PDZD2: variants seen among roughly 807,000 people sequenced by gnomAD.
PDZD2 encodes PDZ domain-containing protein 2.
Under a neutral mutation model 220.7 loss-of-function variants are expected in PDZD2, and 90 were observed. That is an observed-to-expected ratio of 0.41 (90% CI 0.34 to 0.49). PDZD2 has a LOEUF of 0.49. Among genes scored for constraint, PDZD2 ranks in the 20% least tolerant of loss-of-function variants. The probability of loss-of-function intolerance (pLI) is 0.28; values close to 1 mark genes in which losing one functional copy is unlikely to be tolerated. For missense variants in PDZD2, 3,174 were observed against 3,608.5 expected (o/e 0.88, Z 3.08); for synonymous variants, 1,375 against 1,450.5 (o/e 0.95, Z 1.18).
chr5:31,718,915 T>C (rs1379920072), intron 1 of PDZD2, among the ~76,000 whole-genome samples: 1 of 152,110 alleles, frequency 6.6e-6, no homozygotes, highest in Non-Finnish European at 1.5e-5. Context: ...TTAGCCAGGA[T>C]GGTCTCCATC....
chr5:32,007,385 T>TAAAAAAAAAAAAAAAAAAAAAAAAAAAAA (rs572413432), intron 5 of PDZD2, among the ~76,000 whole-genome samples: 1 of 136,438 alleles, frequency 7.3e-6, no homozygotes, highest in African/African-American at 2.7e-5. Flanking sequence ...AGTTGGGATT[T>TAAAAAAAAAAAAAAAAAAAAAAAAAAAAA]AAAAAAAAAA....
At chr5:31,944,868 C>T (rs1487184106) in intron 2 of PDZD2, among the ~76,000 whole-genome samples, 2 of 152,200 alleles carry the variant, frequency 1.3e-5, no homozygotes, top group Non-Finnish European at 2.9e-5. Context: ...CTGAGCCGTG[C>T]GCAGCAGCTG....
intron 1 of PDZD2, among the ~76,000 whole-genome samples, chr5:31,764,798 C>T (rs552384023): frequency 8.5e-5 from 13 of 152,128 alleles, no homozygotes; most frequent in African/African-American, 1.4e-4. Context: ...CCAAAGGGGC[C>T]GGGCACAGTG....
At chr5:31,752,074 T>TTTTG (rs1491114329) in intron 1 of PDZD2, among the ~76,000 whole-genome samples, 1 of 87,752 alleles carries the variant, frequency 1.1e-5, no homozygotes, top group African/African-American at 7.2e-5. Flanking sequence ...TTTGGGTTTG[T>TTTTG]TTTTTTTTTT....
At chr5:31,752,088 T>TTTTTTTTTTTTTTTTTTTTTG (rs1561431820) in intron 1 of PDZD2, among the ~76,000 whole-genome samples, 1 of 141,022 alleles carries the variant, frequency 7.1e-6, no homozygotes, top group Non-Finnish European at 1.5e-5. Context: ...TTTTTTTTTT[T>TTTTTTTTTTTTTTTTTTTTTG]TTCTGAGACA....
chr5:32,042,529 C>T (rs990085244), intron 7 of PDZD2, among the ~76,000 whole-genome samples: 7 of 152,004 alleles, frequency 4.6e-5, no homozygotes, highest in African/African-American at 1.2e-4. Context: ...ACCAAGATTG[C>T]GCCACTGCTT....
intron 5 of PDZD2, among the ~76,000 whole-genome samples, chr5:32,003,325 ACAC>A (rs1752480038): frequency 1.8e-5 from 1 of 56,504 alleles, no homozygotes; most frequent in Admixed American, 1.7e-4. Context: ...CCCCACACAC[ACAC>A]CCCCACCACA....
chr5:32,098,763 G>C lies in PDZD2; in HGVS notation c.8218+129G>C, dbSNP rs1227015142. On this transcript the variant is annotated intron_variant, in intron 23 of 24. Coordinates refer to ENST00000438447, the MANE Select transcript of PDZD2 (RefSeq NM_178140.4). This position sits in a 1 kb window ranked among gnomAD's most constrained non-coding sequence, Gnocchi z 4.1. ...GAAAAATTAAATGTAGCGAAGTCTA[G>C]TGTGTTTGGATGCTGCTTACAAAAG... 3.5e-6 allele frequency: 3 copies of C among 857,928 alleles called. No homozygotes were observed. In the East Asian group the frequency reaches 8.0e-5, roughly 23 times the overall value. The allele number at this position is 857,928 out of a possible 1,614,324, so 53.1% of individuals were successfully genotyped here. A position where few individuals can be genotyped will look rare whatever the true frequency, so the allele number is the denominator to read the frequency against.
chr5:32,006,956 C>T (rs1414659987), intron 5 of PDZD2, among the ~76,000 whole-genome samples: 1 of 120,270 alleles, frequency 8.3e-6, no homozygotes, highest in African/African-American at 2.9e-5. Context: ...CGCTCTGTCT[C>T]CCAGGCTGGA....
chr5:32,041,135 GA>G lies in PDZD2; in HGVS notation c.1519+3795del, dbSNP rs1337009662. ...GCCTCTGCCCGGCCGCCCCGTCTGG[GA>G]AGTGGGGAGCGCCTCTGCCCGGCCG... On this transcript the variant is annotated intron_variant, in intron 7 of 24. Coordinates refer to ENST00000438447, the MANE Select transcript of PDZD2 (RefSeq NM_178140.4). Among the ~76,000 whole-genome samples, 98 of 147,482 alleles carry G rather than the reference GA, an allele frequency of 6.6e-4. 2 individuals are homozygous for G. Among genetic ancestry groups the G allele is most frequent in the South Asian group, 2.0e-3 (9 of 4,570 alleles).
chr5:32,046,447 T>G (rs1296533173), intron 7 of PDZD2, among the ~76,000 whole-genome samples: 2 of 152,160 alleles, frequency 1.3e-5, no homozygotes, highest in Non-Finnish European at 2.9e-5. Context: ...TTCACCATGT[T>G]GCCCAGTGCA....
At chr5:31,765,023 G>A (rs1751907810) in intron 1 of PDZD2, among the ~76,000 whole-genome samples, 1 of 152,048 alleles carries the variant, frequency 6.6e-6, no homozygotes, top group South Asian at 2.1e-4. Flanking sequence ...TTTGCAGTGA[G>A]CCGAGATCAC....
chr5:32,009,865 G>A lies in PDZD2; in HGVS notation c.1255-465G>A, dbSNP rs1753144754. 2.6e-5 allele frequency among the ~76,000 whole-genome samples: 4 copies of A among 152,284 alleles called. No individual in the cohort carries two copies. In the South Asian group the frequency reaches 8.3e-4, roughly 32 times the overall value. ...CCAGCATTTTGGGAGGCTGAGGCAG[G>A]TAGATCACTTGAGGTCAGCAGTTCG... On this transcript the variant is annotated intron_variant, in intron 5 of 24. Transcript: ENST00000438447.
At position 32,006,681 on chromosome 5, in the gene PDZD2, C is replaced by CTTT. The variant is rs76703572; in HGVS notation, c.1255-3628_1255-3626dup. On this transcript the variant is annotated intron_variant, in intron 5 of 24. Coordinates refer to ENST00000438447, the MANE Select transcript of PDZD2 (RefSeq NM_178140.4). ...CATGAACCACTGCCAGGCTCAACAC[C>CTTT]TTTTTTTTTTTTTTTTTTTTTTTCC... 3.8e-4 allele frequency among the ~76,000 whole-genome samples: 44 copies of CTTT among 116,620 alleles called. 1 individual carries two copies. Among genetic ancestry groups the CTTT allele is most frequent in the African/African-American group, 1.5e-3 (36 of 23,412 alleles). The allele number at this position is 116,620 out of a possible 152,430, so 76.5% of individuals were successfully genotyped here. A position where few individuals can be genotyped will look rare whatever the true frequency, so the allele number is the denominator to read the frequency against.
At chr5:32,032,176 G>C (rs891079462) in intron 6 of PDZD2, among the ~76,000 whole-genome samples, 2 of 152,168 alleles carry the variant, frequency 1.3e-5, no homozygotes, top group African/African-American at 4.8e-5. Context: ...CTGGGAAGTC[G>C]CAGCTTAGTT....
At position 32,089,482 on chromosome 5, in the gene PDZD2, G is replaced by A. The variant is rs1297885754; in HGVS notation, c.6034G>A (p.Gly2012Ser). The A allele has an allele frequency of 6.2e-7, 1 of 1,613,432 alleles. No homozygotes were observed. The highest frequency in any genetic ancestry group is 1.3e-5 in the African/African-American group (1 of 74,926). Residue 2012 changes from glycine to serine, a missense_variant, in exon 20 of 25, where the codon GGT becomes AGT. This residue lies in a region of PDZD2 where 1,861 missense variants were observed against 2,001.0 expected (regional missense o/e 0.93). Coordinates refer to ENST00000438447, the MANE Select transcript of PDZD2 (RefSeq NM_178140.4). ...GGCTGTCCTCTCTGAACCCGACAGAGGTTGCCCAACCACCCCTAAATCTCC... is the reference window on the plus strand; with the variant it reads ...GGCTGTCCTCTCTGAACCCGACAGAAGTTGCCCAACCACCCCTAAATCTCC... ...HMAVLSEPDRGCPTTPKSPKC... is the reference protein window; with the variant it reads ...HMAVLSEPDRSCPTTPKSPKC...
At chr5:31,960,461 G>A (rs1748116431) in intron 2 of PDZD2, among the ~76,000 whole-genome samples, 3 of 152,090 alleles carry the variant, frequency 2.0e-5, no homozygotes, top group Admixed American at 2.0e-4. Context: ...CTGCCGCCTC[G>A]GCCTTCCAAA....
intron 1 of PDZD2, among the ~76,000 whole-genome samples, chr5:31,647,435 C>A (rs562428443): frequency 1.3e-5 from 2 of 152,128 alleles, no homozygotes; most frequent in Non-Finnish European, 2.9e-5. Flanking sequence ...TTCACAGGTC[C>A]GAAGTCTGAA....
chr5:32,108,311 T>TTAAC lies in PDZD2; in HGVS notation c.*178_*181dup, dbSNP rs1263813043. Reference sequence around the variant, plus strand: ...AACTGTATGTGCAACAGCAATGAAATTAACTCCAGAAGCCTTCCACCTGCG... The same window carrying TTAAC: ...AACTGTATGTGCAACAGCAATGAAATTAACTAACTCCAGAAGCCTTCCACCTGCG... On this transcript the variant is annotated 3_prime_UTR_variant, in exon 25 of 25. Transcript: ENST00000438447. The TTAAC allele has an allele frequency of 3.9e-4, 178 of 459,464 alleles. No individual in the cohort carries two copies. Among genetic ancestry groups the TTAAC allele is most frequent in the African/African-American group, 2.8e-3 (140 of 50,182 alleles). The allele number at this position is 459,464 out of a possible 1,614,324, so 28.5% of individuals were successfully genotyped here.
Sources: allele counts gnomAD v4.1 joint callset (sites outside exome capture counted in the v4.1 genomes callset), GRCh38; gene constraint gnomAD v4.1.1; regional missense constraint gnomAD v4.1.1; non-coding constraint Gnocchi (gnomAD v3.1); transcripts MANE v1.5; gene names NCBI Gene and HGNC (gene_info 2026-07-23, HGNC 2026-07-21).